The following CCDC126 variants were observed in gnomAD, a reference collection of about 807,000 sequenced individuals.
CCDC126 encodes coiled-coil domain containing 126.
A neutral mutation model predicts 11.7 loss-of-function variants in CCDC126; 5 were observed. The observed-to-expected ratio is 0.43, with a 90% confidence interval of 0.22 to 0.90. The LOEUF is 0.90. Among genes scored for constraint, CCDC126 ranks in the 40% least tolerant of loss-of-function variants. The pLI is 0.27. For missense variants in CCDC126, 150 were observed against 163.1 expected (o/e 0.92, Z 0.44); for synonymous variants, 60 against 61.9 (o/e 0.97, Z 0.14).
intron 3 of CCDC126, among the ~76,000 whole-genome samples, chr7:23,626,565 G>A (rs114222095): frequency 1.7e-3 from 257 of 152,018 alleles, no homozygotes; most frequent in African/African-American, 6.1e-3. Flanking sequence ...AGATAAACAC[G>A]TGTCTTGGGG....
At chr7:23,614,606 G>T (rs565641036) in intron 3 of CCDC126, among the ~76,000 whole-genome samples, 142 of 152,260 alleles carry the variant, frequency 9.3e-4, no homozygotes, top group African/African-American at 3.4e-3. Flanking sequence ...AGACCCATCA[G>T]CTCTGGCCTT....
chr7:23,597,603 C>G lies in CCDC126; in HGVS notation c.-233C>G, dbSNP rs1774088794. 1 of 152,264 alleles carries G rather than the reference C, an allele frequency of 6.6e-6. No individual in the cohort carries two copies. Among genetic ancestry groups the G allele is most frequent in the African/African-American group, 2.4e-5 (1 of 41,462 alleles). 9.4% of individuals were successfully genotyped at this position (152,264 alleles called of 1,614,324 possible). ...GCGACCGTGACGAGAAGCCCACGGC[C>G]AGGTAATGAGTAAGGGGCGAGTCCG... On this transcript the variant is annotated splice_region_variant and 5_prime_UTR_variant, in exon 1 of 4. Transcript: ENST00000307471.
intron 3 of CCDC126, among the ~76,000 whole-genome samples, chr7:23,612,499 A>AC (rs1782733364): frequency 7.0e-6 from 1 of 142,908 alleles, no homozygotes; most frequent in Admixed American, 7.0e-5. Flanking sequence ...AAAAAAAAAA[A>AC]AACAAAGAAA....
In CCDC126 at chr7:23,604,824, G is replaced by A. The variant is rs1475095897; in HGVS notation, c.-145-6347G>A. Among the ~76,000 whole-genome samples, 8 of 151,840 alleles carry A rather than the reference G, an allele frequency of 5.3e-5. No homozygotes were observed. In the South Asian group the frequency reaches 6.2e-4, roughly 12 times the overall value. On this transcript the variant is annotated intron_variant, in intron 2 of 3. Transcript: ENST00000307471. ...ATCCTGGCTAACATGGTGAAACCCC[G>A]TCTCTACTAAAAAAATACAAAAAAT...
At chr7:23,618,657 T>A (rs977930999) in intron 3 of CCDC126, among the ~76,000 whole-genome samples, 2 of 150,878 alleles carry the variant, frequency 1.3e-5, no homozygotes, top group African/African-American at 4.9e-5. Flanking sequence ...TTCAAGTGAC[T>A]CTCCTGCCTC....
At chr7:23,608,835 T>C (rs1413647959) in intron 2 of CCDC126, among the ~76,000 whole-genome samples, 1 of 152,226 alleles carries the variant, frequency 6.6e-6, no homozygotes, top group Non-Finnish European at 1.5e-5. Context: ...TTATTATTAC[T>C]CAAACCCATC....
At chr7:23,628,000 A>G (rs1783043488) in intron 3 of CCDC126, among the ~76,000 whole-genome samples, 1 of 152,232 alleles carries the variant, frequency 6.6e-6, no homozygotes, top group Non-Finnish European at 1.5e-5. Flanking sequence ...AAAATGACCA[A>G]GATTAAAATT....
chr7:23,603,747 C>T (rs1462621549), intron 2 of CCDC126, among the ~76,000 whole-genome samples: 1 of 152,172 alleles, frequency 6.6e-6, no homozygotes, highest in Non-Finnish European at 1.5e-5. Context: ...AGAGAGGTCA[C>T]ATTGCTGCGT....
intron 3 of CCDC126, among the ~76,000 whole-genome samples, chr7:23,623,528 A>G (rs977284199): frequency 1.3e-5 from 2 of 151,316 alleles, no homozygotes; most frequent in East Asian, 3.9e-4. Context: ...CCCAGAAGGC[A>G]GAGGTTGTGG....
At position 23,601,303 on chromosome 7, in the gene CCDC126, G is replaced by A. The variant is rs1395000572; in HGVS notation, c.-146+3252G>A. On this transcript the variant is annotated intron_variant, in intron 2 of 3. Transcript: ENST00000307471. ...GGCTGAGGCAGGGGCAAGGGTGGGG[G>A]CCTCTTCAGTCTGGGAGATCAAGGC... Among the ~76,000 whole-genome samples, 3 of 152,250 alleles carry A rather than the reference G, an allele frequency of 2.0e-5. No individual in the cohort carries two copies. In the East Asian group the frequency reaches 5.8e-4, roughly 29 times the overall value.
At chr7:23,601,477 A>G (rs145757941) in intron 2 of CCDC126, among the ~76,000 whole-genome samples, 3 of 152,146 alleles carry the variant, frequency 2.0e-5, no homozygotes, top group Non-Finnish European at 4.4e-5. Flanking sequence ...TGTACGGTCT[A>G]CTCTGATGGT....
intron 2 of CCDC126, among the ~76,000 whole-genome samples, chr7:23,605,758 A>C (rs1782612654): frequency 6.6e-6 from 1 of 152,212 alleles, no homozygotes; most frequent in African/African-American, 2.4e-5. Flanking sequence ...TGTTATGAAT[A>C]ATGCTGCAAT....
intron 3 of CCDC126, among the ~76,000 whole-genome samples, chr7:23,620,288 A>G (rs1376710169): frequency 6.6e-6 from 1 of 152,154 alleles, no homozygotes; most frequent in Non-Finnish European, 1.5e-5. Context: ...CTGGCGTGAG[A>G]TGGTATCTCA....
chr7:23,628,504 T>C (rs1783051747), intron 3 of CCDC126, among the ~76,000 whole-genome samples: 1 of 152,196 alleles, frequency 6.6e-6, no homozygotes, highest in Non-Finnish European at 1.5e-5. Context: ...AGAAAAAAAC[T>C]GTTGCTGCAC....
rs961438812 is a variant in CCDC126, at chr7:23,644,472, G to A, written c.*1357G>A. The A allele has an allele frequency of 3.9e-5, 6 of 152,442 alleles. No individual in the cohort carries two copies. Among genetic ancestry groups the A allele is most frequent in the African/African-American group, 1.4e-4 (6 of 41,408 alleles). 9.4% of individuals were successfully genotyped at this position (152,442 alleles called of 1,614,324 possible). A position where few individuals can be genotyped will look rare whatever the true frequency, so the allele number is the denominator to read the frequency against. ...TCGTCATTATAATATGCTACCACATGTAGCAATAATTACAATATTTTATTA... is the reference window on the plus strand; with the variant it reads ...TCGTCATTATAATATGCTACCACATATAGCAATAATTACAATATTTTATTA... On this transcript the variant is annotated 3_prime_UTR_variant, in exon 4 of 4. Coordinates refer to ENST00000307471, the MANE Select transcript of CCDC126 (RefSeq NM_138771.4).
chr7:23,607,606 A>G (rs934413926), intron 2 of CCDC126, among the ~76,000 whole-genome samples: 2 of 152,130 alleles, frequency 1.3e-5, no homozygotes, highest in East Asian at 3.8e-4. Flanking sequence ...TATTTTTCTT[A>G]TGTGAAATCA....
chr7:23,640,991 G>GATTTTTTTTTTTTT lies in CCDC126; in HGVS notation c.239-1940_239-1939insATTTTTTTTTTTTT, dbSNP rs754297249. On this transcript the variant is annotated intron_variant, in intron 3 of 3. Transcript: ENST00000307471. The stretch of plus-strand genomic sequence containing the variant: ...ATCCCTCTGAGCTCTGAATCCTTTT[G>GATTTTTTTTTTTTT]GTTTTTTTTTTTTTTTTTTTTTTTG... Among the ~76,000 whole-genome samples the GATTTTTTTTTTTTT allele has an allele frequency of 6.3e-5, 7 of 110,998 alleles. 2 individuals carry two copies. Among genetic ancestry groups the GATTTTTTTTTTTTT allele is most frequent in the Non-Finnish European group, 1.8e-5 (1 of 56,286 alleles). The allele number at this position is 110,998 out of a possible 152,430, so 72.8% of individuals were successfully genotyped here.
At chr7:23,624,667 C>T (rs1201296187) in intron 3 of CCDC126, among the ~76,000 whole-genome samples, 4 of 152,158 alleles carry the variant, frequency 2.6e-5, no homozygotes, top group African/African-American at 9.7e-5. Flanking sequence ...CTGTAGTTTT[C>T]CAACCTGTGG....
At chr7:23,610,240 C>G (rs1168848581) in intron 2 of CCDC126, among the ~76,000 whole-genome samples, 1 of 152,176 alleles carries the variant, frequency 6.6e-6, no homozygotes, top group Non-Finnish European at 1.5e-5. Flanking sequence ...GAGACAAGGT[C>G]TTGCTCTGTC....
Sources: allele counts gnomAD v4.1 joint callset (sites outside exome capture counted in the v4.1 genomes callset), GRCh38; gene constraint gnomAD v4.1.1; transcripts MANE v1.5; gene names NCBI Gene and HGNC (gene_info 2026-07-23, HGNC 2026-07-21).